The following SORCS1 variants were observed in gnomAD, a reference collection of about 807,000 sequenced individuals.
The protein encoded by SORCS1 is sortilin related VPS10 domain containing receptor 1, also known as VPS10 domain-containing receptor SorCS1.
A neutral mutation model predicts 146.1 loss-of-function variants in SORCS1; 60 were observed. The ratio of observed to expected loss-of-function variants is 0.41; its 90% confidence interval spans 0.33 to 0.51. The LOEUF (loss-of-function observed/expected upper bound fraction) is 0.51. SORCS1 is among the 20% of genes least tolerant of loss of function. SORCS1 has a pLI of 0.21. For missense variants in SORCS1, 1,352 were observed against 1,487.6 expected, an observed-to-expected ratio of 0.91 and a Z score of 1.50; for synonymous variants, 637 against 584.0, an observed-to-expected ratio of 1.09 and a Z score of -1.31.
chr10:107,053,498 T>C lies in SORCS1; in HGVS notation c.559-96918A>G, dbSNP rs574873233. 8.5e-4 allele frequency among the ~76,000 whole-genome samples: 130 copies of C among 152,248 alleles called. 1 individual carries two copies. Among genetic ancestry groups the C allele is most frequent in the Non-Finnish European group, 1.7e-3 (114 of 68,008 alleles). On this transcript the variant is annotated intron_variant, in intron 1 of 25. Coordinates refer to ENST00000263054, the MANE Select transcript of SORCS1 (RefSeq NM_052918.5). ...CAAACACATATTTATTCTTTACCAG[T>C]TGTATATTTCTTCTTCAATTAGAAT...
intron 3 of SORCS1, among the ~76,000 whole-genome samples, chr10:106,812,867 G>A (rs978944289): frequency 1.3e-5 from 2 of 152,070 alleles, no homozygotes; most frequent in Non-Finnish European, 2.9e-5. Flanking sequence ...AAGGTTAAAG[G>A]TAACGATAGA....
At chr10:107,045,594 T>C (rs1471580143) in intron 1 of SORCS1, among the ~76,000 whole-genome samples, 1 of 152,154 alleles carries the variant, frequency 6.6e-6, no homozygotes, top group African/African-American at 2.4e-5. Context: ...AGGGTCAACC[T>C]ATCCATTAGG....
chr10:106,625,702 C>T (rs927245627), intron 19 of SORCS1, among the ~76,000 whole-genome samples: 2 of 152,120 alleles, frequency 1.3e-5, no homozygotes, highest in East Asian at 3.9e-4. Flanking sequence ...GCACATGGCT[C>T]CTATATAAGG....
chr10:106,737,991 A>G (rs1857083131), intron 5 of SORCS1, among the ~76,000 whole-genome samples: 1 of 152,220 alleles, frequency 6.6e-6, no homozygotes, highest in Admixed American at 6.5e-5. Context: ...GTTCCATACC[A>G]GAACAAAAAA....
chr10:106,987,405 GA>G (rs567490647), intron 1 of SORCS1, among the ~76,000 whole-genome samples: 1 of 152,120 alleles, frequency 6.6e-6, no homozygotes, highest in Non-Finnish European at 1.5e-5. Flanking sequence ...TAGAATTCAG[GA>G]ATCAGCAAGT....
intron 2 of SORCS1, among the ~76,000 whole-genome samples, chr10:106,953,835 C>A: frequency 6.6e-6 from 1 of 152,098 alleles, no homozygotes; most frequent in East Asian, 1.9e-4. Flanking sequence ...TATATGGTGT[C>A]ATTGACTGAA....
chr10:106,668,110 G>A (rs111294378), intron 16 of SORCS1, among the ~76,000 whole-genome samples: 1 of 152,256 alleles, frequency 6.6e-6, no homozygotes, highest in Non-Finnish European at 1.5e-5. Context: ...CAGGTGGCTG[G>A]GCCCAGAGAA....
At chr10:107,086,331 G>T (rs763955105) in intron 1 of SORCS1, among the ~76,000 whole-genome samples, 19 of 152,208 alleles carry the variant, frequency 1.2e-4, no homozygotes, top group Non-Finnish European at 2.8e-4. Flanking sequence ...ATTATTTTGG[G>T]AGGTTGGGGG....
chr10:106,844,398 G>C (rs1387949707), intron 2 of SORCS1, among the ~76,000 whole-genome samples: 1 of 151,856 alleles, frequency 6.6e-6, no homozygotes, highest in Non-Finnish European at 1.5e-5. Flanking sequence ...CCAATATTGA[G>C]GAGATTTTCT....
At chr10:107,054,140 G>C (rs950525375) in intron 1 of SORCS1, among the ~76,000 whole-genome samples, 3 of 152,130 alleles carry the variant, frequency 2.0e-5, no homozygotes, top group African/African-American at 7.2e-5. Flanking sequence ...TAAATGACTT[G>C]ACAACAAGTG....
At chr10:106,944,874 CTTTT>C (rs765355110) in intron 2 of SORCS1, among the ~76,000 whole-genome samples, 23 of 36,610 alleles carry the variant, frequency 6.3e-4, no homozygotes, top group South Asian at 1.5e-3. Context: ...AAAGAGCCTT[CTTTT>C]TTTTTTTTTT....
chr10:106,674,965 A>G, intron 14 of SORCS1, 84 bp downstream of exon 14: 1 of 1,082,708 alleles, frequency 9.2e-7, no homozygotes, highest in Non-Finnish European at 1.4e-6. Context: ...TAACAGCTGC[A>G]AATCAAACAG....
At chr10:106,898,880 G>T (rs1010825025) in intron 2 of SORCS1, among the ~76,000 whole-genome samples, 1 of 151,824 alleles carries the variant, frequency 6.6e-6, no homozygotes, top group East Asian at 1.9e-4. Context: ...TTTATATTCT[G>T]TCCCCAGCTC....
chr10:106,732,353 G>A (rs3844062), intron 5 of SORCS1, among the ~76,000 whole-genome samples: 68,316 of 151,902 alleles, frequency 0.45, 15,529 homozygotes, highest in African/African-American at 0.52. Context: ...GTACTGCAGC[G>A]ACTACTAGGC....
At chr10:106,636,185 G>A (rs1848712046) in intron 18 of SORCS1, among the ~76,000 whole-genome samples, 4 of 152,024 alleles carry the variant, frequency 2.6e-5, no homozygotes, top group Middle Eastern at 3.4e-3. Context: ...ACTTGAGCCC[G>A]GGAAGTCAAG....
intron 1 of SORCS1, among the ~76,000 whole-genome samples, chr10:106,999,189 C>T (rs961368206): frequency 6.6e-6 from 1 of 152,148 alleles, no homozygotes; most frequent in African/African-American, 2.4e-5. Flanking sequence ...AAAACATACA[C>T]ACACGAACAT....
At chr10:106,883,797 A>G (rs1014000221) in intron 2 of SORCS1, among the ~76,000 whole-genome samples, 2 of 152,186 alleles carry the variant, frequency 1.3e-5, no homozygotes, top group African/African-American at 2.4e-5. Context: ...CTGACTCACC[A>G]GGGAAAAGAA....
At chr10:106,635,315 G>A (rs75061701) in intron 18 of SORCS1, among the ~76,000 whole-genome samples, 1 of 152,180 alleles carries the variant, frequency 6.6e-6, no homozygotes, top group African/African-American at 2.4e-5. Context: ...AAGCATGACA[G>A]TGGCCCTCAC....
chr10:106,746,214 C>T (rs545577582), intron 5 of SORCS1, among the ~76,000 whole-genome samples: 1 of 151,912 alleles, frequency 6.6e-6, no homozygotes, highest in African/African-American at 2.4e-5. Context: ...TATTTTAGTT[C>T]ACTGTTTTTT....
Sources: gnomAD v4.1 joint callset for allele counts (sites outside exome capture counted in the v4.1 genomes callset) on GRCh38, gnomAD v4.1.1 for gene constraint, MANE v1.5 for transcripts, NCBI Gene and HGNC (gene_info 2026-07-23, HGNC 2026-07-21) for gene names.